The following ANO2 variants were observed in gnomAD, a reference collection of about 807,000 sequenced individuals.
ANO2 encodes the protein anoctamin 2.
ANO2 carries 101 observed loss-of-function variants against 124.2 expected under a neutral mutation model. That is an observed-to-expected ratio of 0.81 (90% CI 0.69 to 0.96). The LOEUF (loss-of-function observed/expected upper bound fraction) is 0.96, where lower values mean the gene tolerates loss of function less well. Ranked by LOEUF, ANO2 falls within the 40% of genes least tolerant of loss-of-function variation. The pLI, the probability that ANO2 is intolerant of heterozygous loss-of-function variation, is 0.00. For missense variants in ANO2, 1,293 were observed against 1,274.5 expected (o/e 1.01, Z -0.22); for synonymous variants, 486 against 482.5 (o/e 1.01, Z -0.09).
intron 3 of ANO2, among the ~76,000 whole-genome samples, chr12:5,898,852 T>G (rs756968941): frequency 3.3e-5 from 5 of 152,224 alleles, no homozygotes; most frequent in Admixed American, 6.5e-5. Flanking sequence ...TTCACCAAGT[T>G]GTACAATAAA....
intron 14 of ANO2, among the ~76,000 whole-genome samples, chr12:5,722,281 T>G (rs1950261779): frequency 6.6e-6 from 1 of 152,026 alleles, no homozygotes; most frequent in South Asian, 2.1e-4. Context: ...CTGAGACGGG[T>G]GGATCACGAG....
At chr12:5,885,012 T>G (rs1170699092) in intron 3 of ANO2, among the ~76,000 whole-genome samples, 2 of 152,194 alleles carry the variant, frequency 1.3e-5, no homozygotes, top group Non-Finnish European at 2.9e-5. Context: ...ACTCCACTAT[T>G]TCATCTCCCT....
At chr12:5,790,520 A>G (rs528482816) in intron 10 of ANO2, among the ~76,000 whole-genome samples, 18 of 152,162 alleles carry the variant, frequency 1.2e-4, no homozygotes, top group Non-Finnish European at 1.9e-4. Flanking sequence ...TCCCCCAACT[A>G]TATTTCTTCT....
chr12:5,590,724 C>A (rs924526911), intron 20 of ANO2, among the ~76,000 whole-genome samples: 1 of 152,230 alleles, frequency 6.6e-6, no homozygotes, highest in Non-Finnish European at 1.5e-5. Flanking sequence ...CAACCGGAAG[C>A]AGCAAAGACC....
intron 14 of ANO2, among the ~76,000 whole-genome samples, chr12:5,682,880 C>T (rs10849324): frequency 0.37 from 56,601 of 152,026 alleles, 12,266 homozygotes; most frequent in East Asian, 0.59. Flanking sequence ...ATGGGTAAAG[C>T]TTGATCTTAT....
Position 5,925,308 on chromosome 12 carries a change from G to C in ANO2, c.23-2504C>G, listed in dbSNP as rs572833755. 1.5e-3 allele frequency among the ~76,000 whole-genome samples: 224 copies of C among 152,302 alleles called. No individual in the cohort carries two copies. Among genetic ancestry groups the C allele is most frequent in the African/African-American group, 5.1e-3 (210 of 41,566 alleles). On this transcript the variant is annotated intron_variant, in intron 1 of 24. Transcript: ENST00000682330. The surrounding 1 kb of genome is among the most constrained non-coding windows in gnomAD (Gnocchi z 4.6). ...CACCATCCCCTAAAGGTGCCACCTG[G>C]AGTTTGAGGCTGACATTCAGGGCCC...
chr12:5,735,373 G>A (rs1259178287), intron 13 of ANO2, among the ~76,000 whole-genome samples: 2 of 152,140 alleles, frequency 1.3e-5, no homozygotes, highest in Middle Eastern at 3.2e-3. Flanking sequence ...TTTGTCTGAT[G>A]TAAAGAGGTA....
intron 7 of ANO2, among the ~76,000 whole-genome samples, chr12:5,808,365 C>A (rs1953269615): frequency 6.6e-6 from 1 of 152,188 alleles, no homozygotes; most frequent in Non-Finnish European, 1.5e-5. Flanking sequence ...TTACTTGTTT[C>A]ATTCTTGGTT....
intron 3 of ANO2, among the ~76,000 whole-genome samples, chr12:5,897,668 C>T (rs1001423916): frequency 1.2e-4 from 18 of 151,498 alleles, no homozygotes; most frequent in African/African-American, 2.9e-4. Flanking sequence ...CAATAAATGA[C>T]GTTGGGTTAA....
chr12:5,577,377 A>G (rs911227234), intron 22 of ANO2, among the ~76,000 whole-genome samples: 1 of 152,198 alleles, frequency 6.6e-6, no homozygotes, highest in African/African-American at 2.4e-5. Context: ...GTCCTTAGAG[A>G]ATACAGCAGA....
chr12:5,929,241 TCTTC>T (rs1383582436), intron 1 of ANO2, among the ~76,000 whole-genome samples: 1 of 137,444 alleles, frequency 7.3e-6, no homozygotes, highest in Non-Finnish European at 1.5e-5. Context: ...TTCTTACCAG[TCTTC>T]CTTCCTTTTC....
In ANO2 at chr12:5,791,325, T is replaced by C. The variant is rs1263744442; in HGVS notation, c.1055+8182A>G. Among the ~76,000 whole-genome samples the C allele has an allele frequency of 4.8e-4, 73 of 151,420 alleles. 2 individuals are homozygous for C. Among genetic ancestry groups the C allele is most frequent in the Admixed American group, 4.8e-3 (73 of 15,218 alleles). ...AAAAAAAGATCATAAAAAATAGAAA[T>C]GAAAAATCAAAAACATGGCATTCTG... is the stretch of plus-strand genomic sequence containing the variant. On this transcript the variant is annotated intron_variant, in intron 10 of 24. Transcript: ENST00000682330.
At position 5,930,346 on chromosome 12, in the gene ANO2, A is replaced by T. The variant is rs142919693; in HGVS notation, c.23-7542T>A. 2.0e-5 allele frequency among the ~76,000 whole-genome samples: 3 copies of T among 152,030 alleles called. No individual in the cohort carries two copies. The South Asian group carries it at 6.2e-4, about 32-fold the overall frequency. ...TCATCCCCACCCCAACCTCCCAAAG[A>T]ATGGTCATTTGCTGTGCTTGGAGCC... On this transcript the variant is annotated intron_variant, in intron 1 of 24. Transcript: ENST00000682330.
At chr12:5,801,354 G>T (rs1432460954) in intron 9 of ANO2, among the ~76,000 whole-genome samples, 1 of 152,122 alleles carries the variant, frequency 6.6e-6, no homozygotes, top group Admixed American at 6.5e-5. Context: ...ATCAATATCG[G>T]CATTTTATTA....
intron 20 of ANO2, among the ~76,000 whole-genome samples, chr12:5,586,498 T>C (rs573310200): frequency 6.6e-6 from 1 of 152,338 alleles, no homozygotes; most frequent in Admixed American, 6.5e-5. Context: ...ACAGAATATG[T>C]GGGCCTCAGT....
chr12:5,610,542 T>C (rs1255222556), intron 19 of ANO2, among the ~76,000 whole-genome samples: 4 of 141,316 alleles, frequency 2.8e-5, no homozygotes, highest in Non-Finnish European at 4.6e-5. Flanking sequence ...AAAACATATT[T>C]TATGTTTTAT....
rs77974341 is a variant in ANO2 at position 5,900,619 on chromosome 12, G to C, written c.534+20421C>G. ...AACTCTCCCTTTAAAAAAAAAACAT[G>C]GGGGAGCATTTGCTCTACCTCCGCA... On this transcript the variant is annotated intron_variant, in intron 3 of 24. Transcript: ENST00000682330. The surrounding 1 kb of genome is among the most constrained non-coding windows in gnomAD (Gnocchi z 4.2). 6.7e-6 allele frequency among the ~76,000 whole-genome samples: 1 copy of C among 150,088 alleles called. No homozygotes were observed. Among genetic ancestry groups the C allele is most frequent in the African/African-American group, 2.5e-5 (1 of 40,732 alleles).
At chr12:5,915,316 A>G (rs11063913) in intron 3 of ANO2, among the ~76,000 whole-genome samples, 26,062 of 152,286 alleles carry the variant, frequency 0.17, 2,620 homozygotes, top group South Asian at 0.26. Flanking sequence ...AATTGTCTTT[A>G]AAATATGAAC....
chr12:5,851,777 G>A (rs1322499888), intron 4 of ANO2, among the ~76,000 whole-genome samples: 3 of 151,952 alleles, frequency 2.0e-5, no homozygotes, highest in South Asian at 4.2e-4. Context: ...GGTGGGGGGT[G>A]GAAGGAAGAG....
Sources: allele counts gnomAD v4.1 joint callset (sites outside exome capture counted in the v4.1 genomes callset), GRCh38; gene constraint gnomAD v4.1.1; non-coding constraint Gnocchi (gnomAD v3.1); transcripts MANE v1.5; gene names NCBI Gene and HGNC (gene_info 2026-07-23, HGNC 2026-07-21).